DPP10: variants seen among roughly 807,000 people sequenced by gnomAD.
The protein encoded by DPP10 is inactive dipeptidyl peptidase 10.
Under a neutral mutation model 120.9 loss-of-function variants are expected in DPP10, and 33 were observed. The ratio of observed to expected loss-of-function variants is 0.27; its 90% CI spans 0.21 to 0.37. The LOEUF (loss-of-function observed/expected upper bound fraction) is 0.37. Among genes scored for constraint, DPP10 ranks in the 10% least tolerant of loss-of-function variants. The probability of loss-of-function intolerance (pLI) is 1.00; values close to 1 mark genes in which losing one functional copy is unlikely to be tolerated. For synonymous variants in DPP10, 337 were observed against 326.1 expected, an observed-to-expected ratio of 1.03 and a Z score of -0.36; for missense variants, 816 against 942.8, an observed-to-expected ratio of 0.87 and a Z score of 1.76.
intron 1 of DPP10, among the ~76,000 whole-genome samples, chr2:114,958,531 G>A (rs1698377980): frequency 6.6e-6 from 1 of 152,194 alleles, no homozygotes; most frequent in Admixed American, 6.5e-5. Context: ...GATTTTAAAC[G>A]TTTTCACCAA....
chr2:115,330,924 C>T (rs1447974824), intron 2 of DPP10, among the ~76,000 whole-genome samples: 1 of 151,980 alleles, frequency 6.6e-6, no homozygotes, highest in Non-Finnish European at 1.5e-5. Context: ...TTTTTGGTTC[C>T]ATATGAACTT....
intron 1 of DPP10, among the ~76,000 whole-genome samples, chr2:114,621,675 G>A (rs1694102821): frequency 6.6e-6 from 1 of 151,912 alleles, no homozygotes; most frequent in Admixed American, 6.6e-5. Context: ...TCAGCAAAAT[G>A]ACATGAAACC....
rs569851905 is a variant in DPP10, at chr2:115,119,364, T to G, written c.61-189875T>G. On this transcript the variant is annotated intron_variant, in intron 1 of 25. Coordinates refer to ENST00000410059, the MANE Select transcript of DPP10 (RefSeq NM_020868.6). ...ACCAGCTTCAGGTGTTTTCTGTCTA[T>G]TGGGAGACTGGTGTTGGCTGTGGCC... 5.0e-4 allele frequency among the ~76,000 whole-genome samples: 76 copies of G among 152,284 alleles called. 1 individual carries two copies. Among genetic ancestry groups the G allele is most frequent in the African/African-American group, 1.2e-3 (49 of 41,564 alleles).
At chr2:115,167,879 A>G (rs930154218) in intron 1 of DPP10, among the ~76,000 whole-genome samples, 2 of 152,228 alleles carry the variant, frequency 1.3e-5, no homozygotes, top group Non-Finnish European at 2.9e-5. Flanking sequence ...AAGTCAGGCT[A>G]AAAGTAAACT....
At chr2:115,327,168 C>T (rs979837007) in intron 2 of DPP10, among the ~76,000 whole-genome samples, 12 of 152,076 alleles carry the variant, frequency 7.9e-5, no homozygotes, top group Non-Finnish European at 1.5e-4. Context: ...TTTCAGTGCA[C>T]TAACAGGCAG....
chr2:115,522,220 C>T (rs1313986192), intron 4 of DPP10, among the ~76,000 whole-genome samples: 1 of 152,156 alleles, frequency 6.6e-6, no homozygotes, highest in Non-Finnish European at 1.5e-5. Context: ...TCTGATTACT[C>T]CGCCTCTCTG....
intron 3 of DPP10, among the ~76,000 whole-genome samples, chr2:115,472,085 C>T (rs956884979): frequency 5.3e-5 from 8 of 152,044 alleles, no homozygotes; most frequent in Non-Finnish European, 1.2e-4. Flanking sequence ...ATTAATTCTC[C>T]TGGCTGTGTT....
At chr2:114,746,086 T>A (rs1678553730) in intron 1 of DPP10, among the ~76,000 whole-genome samples, 1 of 152,236 alleles carries the variant, frequency 6.6e-6, no homozygotes, top group South Asian at 2.1e-4. Flanking sequence ...ATTTTGTCTC[T>A]CCTTTTCTTT....
chr2:115,501,654 C>T (rs947719399), intron 4 of DPP10, among the ~76,000 whole-genome samples: 7 of 151,902 alleles, frequency 4.6e-5, no homozygotes, highest in African/African-American at 1.4e-4. Context: ...AATTCGATGT[C>T]GGGCAGGGGT....
At chr2:115,255,936 C>T (rs912031235) in intron 1 of DPP10, among the ~76,000 whole-genome samples, 1 of 152,180 alleles carries the variant, frequency 6.6e-6, no homozygotes, top group Admixed American at 6.5e-5. Flanking sequence ...CTTCTGTGCC[C>T]TCCAAACCGT....
intron 1 of DPP10, among the ~76,000 whole-genome samples, chr2:114,607,851 G>A (rs548587817): frequency 2.6e-5 from 4 of 152,296 alleles, no homozygotes; most frequent in South Asian, 2.1e-4. Flanking sequence ...GAGTGCCACC[G>A]CACCAACCCC....
intron 5 of DPP10, among the ~76,000 whole-genome samples, chr2:115,611,967 G>A (rs1405882698): frequency 6.6e-6 from 1 of 152,024 alleles, no homozygotes; most frequent in Non-Finnish European, 1.5e-5. Flanking sequence ...TCCCAGTTTG[G>A]CATATTCACA....
chr2:115,805,127 A>G (rs1412544142), intron 19 of DPP10, among the ~76,000 whole-genome samples: 2 of 152,076 alleles, frequency 1.3e-5, no homozygotes, highest in Non-Finnish European at 2.9e-5. Context: ...AGCCTCAGCA[A>G]TGGCAGGCGC....
intron 1 of DPP10, among the ~76,000 whole-genome samples, chr2:114,997,765 G>A (rs1429081900): frequency 6.6e-6 from 1 of 152,148 alleles, no homozygotes; most frequent in African/African-American, 2.4e-5. Flanking sequence ...AAGGGAAAGT[G>A]ATATACTGGC....
intron 1 of DPP10, among the ~76,000 whole-genome samples, chr2:114,699,477 G>A (rs758372566): frequency 6.6e-6 from 1 of 152,058 alleles, no homozygotes; most frequent in Non-Finnish European, 1.5e-5. Flanking sequence ...ACACTGTTAT[G>A]GTAGAAGGAA....
chr2:114,746,628 A>G (rs1678602324), intron 1 of DPP10, among the ~76,000 whole-genome samples: 1 of 152,190 alleles, frequency 6.6e-6, no homozygotes, highest in Non-Finnish European at 1.5e-5. Context: ...ACATAGGGCT[A>G]TGAAAGGTTG....
chr2:115,677,158 A>G (rs2090329265), intron 5 of DPP10, among the ~76,000 whole-genome samples: 1 of 152,208 alleles, frequency 6.6e-6, no homozygotes, highest in Non-Finnish European at 1.5e-5. Context: ...GGAATTCATC[A>G]CCACTAGACT....
chr2:115,742,456 ATTTAT>A (rs1677404449), intron 9 of DPP10, among the ~76,000 whole-genome samples: 1 of 152,158 alleles, frequency 6.6e-6, no homozygotes, highest in Admixed American at 6.6e-5. Flanking sequence ...TACCATTAAT[ATTTAT>A]TAGAAGTAAA....
chr2:115,774,635 G>A (rs1681880103), intron 13 of DPP10, among the ~76,000 whole-genome samples: 1 of 152,086 alleles, frequency 6.6e-6, no homozygotes, highest in African/African-American at 2.4e-5. Flanking sequence ...AGTATACAAA[G>A]AAGTTGATAT....
Sources: allele counts gnomAD v4.1 joint callset (sites outside exome capture counted in the v4.1 genomes callset), GRCh38; gene constraint gnomAD v4.1.1; transcripts MANE v1.5; gene names NCBI Gene and HGNC (gene_info 2026-07-23, HGNC 2026-07-21).